The following SLC37A3 variants were observed in gnomAD, a reference collection of about 807,000 sequenced individuals.
SLC37A3 encodes the protein sugar phosphate exchanger 3.
Under a neutral mutation model 67.1 loss-of-function variants are expected in SLC37A3, and 51 were observed. That is an observed-to-expected ratio of 0.76 (90% confidence interval 0.61 to 0.96). The LOEUF is 0.96. Ranked by LOEUF, SLC37A3 falls within the 40% of genes least tolerant of loss-of-function variation. The pLI is 0.00. For missense variants in SLC37A3, 508 were observed against 603.0 expected (o/e 0.84, Z 1.65); for synonymous variants, 214 against 231.4 (o/e 0.92, Z 0.68).
chr7:140,396,761 CCTT>C (rs753877241), intron 1 of SLC37A3, among the ~76,000 whole-genome samples: 51 of 152,164 alleles, frequency 3.4e-4, no homozygotes, highest in East Asian at 3.1e-3. Context: ...TTCCGGGTCA[CCTT>C]CTTAGGCAGA....
At chr7:140,348,137 C>T (rs57153147) in intron 10 of SLC37A3, among the ~76,000 whole-genome samples, 1,752 of 152,208 alleles carry the variant, frequency 0.012, 31 homozygotes, top group African/African-American at 0.039. Context: ...ACTGAAACTT[C>T]GAAAAGTGAA....
intron 1 of SLC37A3, chr7:140,386,794 C>T (rs1798470589): frequency 3.3e-5 from 5 of 152,046 alleles, no homozygotes; most frequent in South Asian, 2.1e-4. Context: ...CTACAGCACC[C>T]GGTATTCCCA....
chr7:140,392,470 G>T (rs901898400), intron 1 of SLC37A3, among the ~76,000 whole-genome samples: 1 of 151,910 alleles, frequency 6.6e-6, no homozygotes, highest in African/African-American at 2.4e-5. Context: ...CCTCTTCACC[G>T]CCACCCTCTT....
intron 1 of SLC37A3, among the ~76,000 whole-genome samples, chr7:140,383,962 G>A (rs1798351521): frequency 6.6e-6 from 1 of 152,140 alleles, no homozygotes; most frequent in South Asian, 2.1e-4. Context: ...ACAGGCATAA[G>A]GCACTGTGCC....
intron 4 of SLC37A3, among the ~76,000 whole-genome samples, chr7:140,368,139 G>A (rs1797678811): frequency 6.6e-6 from 1 of 151,054 alleles, no homozygotes; most frequent in Non-Finnish European, 1.5e-5. Flanking sequence ...CTCCACCCCC[G>A]CTACCTGGCC....
At chr7:140,361,950 G>A (rs1378757240) in intron 5 of SLC37A3, among the ~76,000 whole-genome samples, 1 of 144,920 alleles carries the variant, frequency 6.9e-6, no homozygotes, top group Admixed American at 6.8e-5. Context: ...TGCCGAGATT[G>A]CAGCCTCTGC....
Position 140,345,187 on chromosome 7 carries a change from G to C in SLC37A3, c.1174+29C>G, listed in dbSNP as rs1333972832. On this transcript the variant is annotated intron_variant, in intron 12 of 14. Transcript: ENST00000326232. Reference sequence around the variant, plus strand: ...CCTCTGAATTTACAGAGCAACAGAAGCATGGTGGAGCAGAGCCATGTGCCG... The same window carrying C: ...CCTCTGAATTTACAGAGCAACAGAACCATGGTGGAGCAGAGCCATGTGCCG... The C allele has an allele frequency of 1.9e-6, 3 of 1,597,562 alleles. No individual in the cohort carries two copies. In the South Asian group the frequency reaches 3.3e-5, roughly 18 times the overall value.
chr7:140,349,089 G>A (rs1433614672), intron 9 of SLC37A3, among the ~76,000 whole-genome samples: 1 of 152,186 alleles, frequency 6.6e-6, no homozygotes. Flanking sequence ...CTATAAGGCA[G>A]AGCACATACC....
Position 140,333,917 on chromosome 7 carries a change from C to T in SLC37A3, c.*1495G>A, listed in dbSNP as rs1217296789. ...TAAAGCAAGAGGTTGAAAAATATCC[C>T]CTAACCGAATGCAAATTAGGTATCC... On this transcript the variant is annotated 3_prime_UTR_variant, in exon 15 of 15. Transcript: ENST00000326232. 1 of 152,572 alleles carries T rather than the reference C, an allele frequency of 6.6e-6. No homozygotes were observed. Among genetic ancestry groups the T allele is most frequent in the Non-Finnish European group, 1.5e-5 (1 of 68,036 alleles). 9.5% of individuals were successfully genotyped at this position (152,572 alleles called of 1,614,324 possible). A position where few individuals can be genotyped will look rare whatever the true frequency, so the allele number is the denominator to read the frequency against.
rs764025466 is a variant in SLC37A3 at position 140,382,449 on chromosome 7, GAGCA to G, written c.74_77del (p.Leu25ProfsTer84). 1.9e-6 allele frequency: 3 copies of G among 1,614,010 alleles called. No homozygotes were observed. The highest frequency in any genetic ancestry group is 2.5e-6 in the Non-Finnish European group (3 of 1,179,918). On this transcript the variant is annotated frameshift_variant, in exon 2 of 15. Coordinates refer to ENST00000326232, the MANE Select transcript of SLC37A3 (RefSeq NM_207113.3). LOFTEE classifies it high-confidence loss of function. Reference sequence around the variant, plus strand: ...GGCAACATGCTTACCTGAAGAAAGTGAGCAGGAACACTACAACATGATGATGGCT... The same window carrying G: ...GGCAACATGCTTACCTGAAGAAAGTGGGAACACTACAACATGATGATGGCT...
chr7:140,360,836 G>C lies in SLC37A3; in HGVS notation c.376-2051C>G, dbSNP rs117614780. 2.8e-3 allele frequency among the ~76,000 whole-genome samples: 423 copies of C among 151,956 alleles called. 8 individuals are homozygous for C. Among genetic ancestry groups the C allele is most frequent in the Admixed American group, 0.022 (330 of 15,242 alleles). On this transcript the variant is annotated intron_variant, in intron 5 of 14. Coordinates refer to ENST00000326232, the MANE Select transcript of SLC37A3 (RefSeq NM_207113.3). ...ACTCACAGTCCTCACTGCCACCCGG[G>C]GAGAGCTAATATGCCCATCTCCCTC...
chr7:140,394,353 C>T (rs1369536245), intron 1 of SLC37A3, among the ~76,000 whole-genome samples: 1 of 151,954 alleles, frequency 6.6e-6, no homozygotes, highest in Non-Finnish European at 1.5e-5. Context: ...TCCAGTGGCT[C>T]ACGCCTATAA....
intron 5 of SLC37A3, among the ~76,000 whole-genome samples, chr7:140,362,287 TGAG>T (rs1159505134): frequency 1.1e-4 from 14 of 128,992 alleles, no homozygotes; most frequent in Non-Finnish European, 2.3e-4. Flanking sequence ...CCGCCCCGTC[TGAG>T]AAGTGAGGAA....
At chr7:140,386,257 T>A (rs1185531647) in intron 1 of SLC37A3, among the ~76,000 whole-genome samples, 1 of 151,674 alleles carries the variant, frequency 6.6e-6, no homozygotes, top group Non-Finnish European at 1.5e-5. Context: ...TTATGTTAAG[T>A]CAGGGTTTTG....
At chr7:140,388,152 G>A (rs1260106680) in intron 1 of SLC37A3, among the ~76,000 whole-genome samples, 1 of 151,630 alleles carries the variant, frequency 6.6e-6, no homozygotes, top group Non-Finnish European at 1.5e-5. Flanking sequence ...TAAGATTCTG[G>A]ACAGACATGG....
rs867497964 is a variant in SLC37A3, at chr7:140,382,183, G to C, written c.89+255C>G. 1.6e-4 allele frequency among the ~76,000 whole-genome samples: 24 copies of C among 151,998 alleles called. 1 individual carries two copies. The highest frequency in any genetic ancestry group is 3.4e-3 in the Middle Eastern group (1 of 290). On this transcript the variant is annotated intron_variant, in intron 2 of 14. Coordinates refer to ENST00000326232, the MANE Select transcript of SLC37A3 (RefSeq NM_207113.3). ...TGGGAGGACGTTTAGTAGCATCCCT[G>C]GTCTCCACCACTAACTACAAGTAGC...
At position 140,364,405 on chromosome 7, in the gene SLC37A3, T is replaced by A; in HGVS notation, c.375+3A>T. 1 of 1,612,100 alleles carries A rather than the reference T, an allele frequency of 6.2e-7. No homozygotes were observed. The highest frequency in any genetic ancestry group is 8.5e-7 in the Non-Finnish European group (1 of 1,179,146). On this transcript the variant is annotated splice_donor_region_variant and intron_variant, in intron 5 of 14. Transcript: ENST00000326232. ...ATAATAATAATAAGACCTTTCAACT[T>A]ACCACTAATGCAGAAGAGCACATGC...
intron 10 of SLC37A3, among the ~76,000 whole-genome samples, chr7:140,347,785 T>G (rs1007510704): frequency 8.7e-5 from 13 of 150,034 alleles, no homozygotes; most frequent in African/African-American, 2.7e-4. Context: ...ACTATTAAAA[T>G]CTTTGTTTAT....
intron 7 of SLC37A3, 46 bp downstream of exon 7, chr7:140,355,620 GCA>G: frequency 6.8e-7 from 1 of 1,480,002 alleles, no homozygotes; most frequent in South Asian, 1.1e-5. Flanking sequence ...ATACACATGT[GCA>G]CACAGAGAGA....
Sources: gnomAD v4.1 joint callset for allele counts (sites outside exome capture counted in the v4.1 genomes callset) on GRCh38, gnomAD v4.1.1 for gene constraint, MANE v1.5 for transcripts, NCBI Gene and HGNC (gene_info 2026-07-23, HGNC 2026-07-21) for gene names.